ITGA10: variants seen among roughly 807,000 people sequenced by gnomAD.
ITGA10 encodes the protein integrin alpha-10.
Under a neutral mutation model 145.2 loss-of-function variants are expected in ITGA10, and 105 were observed. That is an observed-to-expected ratio of 0.72 (90% CI 0.62 to 0.85). The LOEUF (loss-of-function observed/expected upper bound fraction) is 0.85. Ranked by LOEUF, ITGA10 falls within the 40% of genes least tolerant of loss-of-function variation. The pLI, the probability that ITGA10 is intolerant of heterozygous loss-of-function variation, is 0.00. For missense variants in ITGA10, 1,317 were observed against 1,444.5 expected (o/e 0.91, Z 1.43); for synonymous variants, 506 against 557.8 (o/e 0.91, Z 1.31).
Position 145,901,466 on chromosome 1 carries a change from C to T in ITGA10, c.1443+50G>A. The T allele has an allele frequency of 6.5e-7, 1 of 1,527,618 alleles. No homozygotes were observed. Among genetic ancestry groups the T allele is most frequent in the Non-Finnish European group, 8.8e-7 (1 of 1,139,382 alleles). The allele number at this position is 1,527,618 out of a possible 1,614,324, so 94.6% of individuals were successfully genotyped here. Reference sequence around the variant, plus strand: ...CCACTTCACACTCCTCCCCAACAGCCCAGAGGTCCCTGGGAATCCAAAGGT... The same window carrying T: ...CCACTTCACACTCCTCCCCAACAGCTCAGAGGTCCCTGGGAATCCAAAGGT... On this transcript the variant is annotated intron_variant, in intron 12 of 29. Coordinates refer to ENST00000369304, the MANE Select transcript of ITGA10 (RefSeq NM_003637.5). The surrounding 1 kb of genome is among the most constrained non-coding windows in gnomAD (Gnocchi z 4.3).
chr1:145,909,531 A>G (rs56773757), intron 1 of ITGA10, among the ~76,000 whole-genome samples: 2 of 127,744 alleles, frequency 1.6e-5, no homozygotes, highest in South Asian at 4.3e-4. Flanking sequence ...TATTATATAT[A>G]ATATATAATT....
Position 145,906,485 on chromosome 1 carries a change from A to G in ITGA10, c.390T>C (p.Arg130=), listed in dbSNP as rs145573059. Reference sequence around the variant, plus strand: ...AACTGAAGACAGAGCTGCCACAAGCACGAGACCAGAGAGGGGCACAGGCCT... The same window carrying G: ...AACTGAAGACAGAGCTGCCACAAGCGCGAGACCAGAGAGGGGCACAGGCCT... ...GFMACAPLWS[R]ACGSSVFSSG... is the part of the protein sequence containing the mutation. Residue 130 remains arginine (R), a synonymous_variant, in exon 5 of 30, where the codon CGT becomes CGC. Coordinates refer to ENST00000369304, the MANE Select transcript of ITGA10 (RefSeq NM_003637.5). The G allele has an allele frequency of 3.0e-5, 48 of 1,614,150 alleles. No individual in the cohort carries two copies. In the East Asian group the frequency reaches 1.1e-3, roughly 36 times the overall value.
chr1:145,898,067 A>C, intron 18 of ITGA10, 43 bp downstream of exon 18: 2 of 1,433,406 alleles, frequency 1.4e-6, no homozygotes, highest in Non-Finnish European at 2.0e-6. Flanking sequence ...CTCTTGAAGG[A>C]GGGCAGTGTT....
At chr1:145,893,412 C>G (rs1382900400) in intron 28 of ITGA10, 128 bp downstream of exon 28, 2 of 932,358 alleles carry the variant, frequency 2.1e-6, no homozygotes, top group Middle Eastern at 2.2e-4. Flanking sequence ...GCAGGAATGG[C>G]GGCAGTGGAA....
chr1:145,906,888 G>A, intron 3 of ITGA10, 64 bp from the exon 4 acceptor site: 2 of 1,302,922 alleles, frequency 1.5e-6, no homozygotes, highest in African/African-American at 1.5e-5. Context: ...TTGAATTCAT[G>A]TGATTTTGGA....
chr1:145,896,420 G>A (rs1314824227), intron 23 of ITGA10, 68 bp from the exon 24 acceptor site: 8 of 1,184,942 alleles, frequency 6.8e-6, no homozygotes, highest in Non-Finnish European at 5.1e-6. Context: ...CACATGATCA[G>A]CACACAGACG....
Position 145,898,241 on chromosome 1 carries a change from C to A in ITGA10, c.2233-18G>T. On this transcript the variant is annotated intron_variant, in intron 17 of 29. Coordinates refer to ENST00000369304, the MANE Select transcript of ITGA10 (RefSeq NM_003637.5). ...GATGTATCCTGAAGGAAAACAGAGT[C>A]ACAGAGTCACAGAGTCAAGGATCTT... is the stretch of plus-strand genomic sequence containing the variant. 1.4e-6 allele frequency: 2 copies of A among 1,430,396 alleles called. No homozygotes were observed. The highest frequency in any genetic ancestry group is 2.3e-5 in the South Asian group (2 of 87,202). The allele number at this position is 1,430,396 out of a possible 1,614,324, so 88.6% of individuals were successfully genotyped here.
Position 145,901,951 on chromosome 1 carries a change from T to C in ITGA10, c.1220A>G (p.His407Arg). Residue 407 changes from histidine (H) to arginine (R), a missense_variant, in exon 11 of 30, where the codon CAC (histidine) becomes CGC (arginine). By Grantham distance (29) the His-to-Arg change is conservative. Transcript: ENST00000369304. The surrounding 1 kb of genome is among the most constrained non-coding windows in gnomAD (Gnocchi z 4.3). The stretch of plus-strand genomic sequence containing the variant: ...TGCCATTCGTGGGGGGAAAAGGCGG[T>C]GGCCTCCTTCAAGCCATAGCACAGA... ...GGSVLWLEGG[H>R]RLFPPRMALE... 1 of 1,614,024 alleles carries C rather than the reference T, an allele frequency of 6.2e-7. No homozygotes were observed. Among genetic ancestry groups the C allele is most frequent in the Non-Finnish European group, 8.5e-7 (1 of 1,180,002 alleles).
intron 29 of ITGA10, 147 bp from the exon 30 acceptor site, chr1:145,893,010 C>T (rs782010831): frequency 2.2e-4 from 208 of 924,928 alleles, no homozygotes; most frequent in Non-Finnish European, 3.1e-4. Context: ...ATAATTTAAC[C>T]AACATTTGTG....
rs782702226 is a variant in ITGA10, at chr1:145,901,012, T to C, written c.1588-19A>G. The C allele has an allele frequency of 3.7e-6, 6 of 1,613,788 alleles. No individual in the cohort carries two copies. In the South Asian group the frequency reaches 4.4e-5, roughly 12 times the overall value. On this transcript the variant is annotated intron_variant, in intron 13 of 29. Transcript: ENST00000369304. The surrounding 1 kb of genome is among the most constrained non-coding windows in gnomAD (Gnocchi z 4.3). ...AGGACTGCTGGTGGAGGAGAGAAGATAGAAGATGCTAATCTGGCAGACCCA... is the reference window on the plus strand; with the variant it reads ...AGGACTGCTGGTGGAGGAGAGAAGACAGAAGATGCTAATCTGGCAGACCCA...
chr1:145,900,229 C>T (rs587774552), intron 14 of ITGA10, 42 bp from the exon 15 acceptor site: 4 of 1,557,020 alleles, frequency 2.6e-6, no homozygotes, highest in African/African-American at 2.7e-5. Context: ...GACCCATACA[C>T]CTAGTTTCTC....
Position 145,898,168 on chromosome 1 carries a change from T to C in ITGA10, c.2288A>G (p.Asn763Ser), listed in dbSNP as rs1655712340. 6.2e-7 allele frequency: 1 copy of C among 1,613,950 alleles called. No individual in the cohort carries two copies. Among genetic ancestry groups the C allele is most frequent in the Non-Finnish European group, 8.5e-7 (1 of 1,180,010 alleles). The part of the protein sequence containing the change: ...VALTVTFALD[N>S]TTKPGPVLNE... ...CAGCACAGGCCCTGGCTTTGTAGTA[T>C]TGTCCAAGGCAAAGGTCACAGTCAA... is the stretch of plus-strand genomic sequence containing the variant. The change falls in exon 18 of 30, where the codon AAT (asparagine) becomes AGT (serine). Residue 763 changes from asparagine to serine, a missense_variant. Transcript: ENST00000369304.
chr1:145,893,090 C>G (rs971124735), intron 29 of ITGA10, 71 bp downstream of exon 29: 16 of 1,215,658 alleles, frequency 1.3e-5, no homozygotes, highest in Admixed American at 3.4e-5. Context: ...ATCCTGTTCT[C>G]TCTGCTATAA....
In ITGA10 at chr1:145,892,150, C is replaced by A. The variant is rs1654817510; in HGVS notation, c.*648G>T. 1 of 152,766 alleles carries A rather than the reference C, an allele frequency of 6.5e-6. No individual in the cohort carries two copies. The highest frequency in any genetic ancestry group is 1.5e-5 in the Non-Finnish European group (1 of 68,156). The allele number at this position is 152,766 out of a possible 1,614,324, so 9.5% of individuals were successfully genotyped here. On this transcript the variant is annotated 3_prime_UTR_variant, in exon 30 of 30. Transcript: ENST00000369304. ...ACCAACACCTGAGGGCGGTCGAGTG[C>A]ACTACAGGTCTCAGGTTTCAGGGGG...
chr1:145,891,958 T>C lies in ITGA10; in HGVS notation c.*840A>G, dbSNP rs1220105376. ...GAGTGAGTATAAGACTTGAGAGAAGTAGAGAAAATACTGCCTAGGTACACC... is the reference window on the plus strand; with the variant it reads ...GAGTGAGTATAAGACTTGAGAGAAGCAGAGAAAATACTGCCTAGGTACACC... On this transcript the variant is annotated 3_prime_UTR_variant, in exon 30 of 30. Coordinates refer to ENST00000369304, the MANE Select transcript of ITGA10 (RefSeq NM_003637.5). 6.6e-6 allele frequency: 1 copy of C among 152,200 alleles called. No homozygotes were observed. The highest frequency in any genetic ancestry group is 1.5e-5 in the Non-Finnish European group (1 of 68,032). 9.4% of individuals were successfully genotyped at this position (152,200 alleles called of 1,614,324 possible).
At position 145,895,413 on chromosome 1, in the gene ITGA10, G is replaced by A; in HGVS notation, c.3115-20C>T. On this transcript the variant is annotated intron_variant, in intron 26 of 29. Transcript: ENST00000369304. ...CCCATTCTAACAGAAGAGACAGAGA[G>A]AGACAGATCAGGACTCTGGGGTAGA... The A allele has an allele frequency of 6.4e-7, 1 of 1,564,874 alleles. No individual in the cohort carries two copies.
chr1:145,904,976 C>T (rs977948046), intron 5 of ITGA10, among the ~76,000 whole-genome samples, 165 bp from the exon 6 acceptor site: 13 of 151,850 alleles, frequency 8.6e-5, no homozygotes, highest in African/African-American at 2.7e-4. Context: ...ATAAAATATT[C>T]CTTTAGTAAT....
intron 28 of ITGA10, 127 bp downstream of exon 28, chr1:145,893,413 G>A (rs1004043912): frequency 1.8e-5 from 17 of 933,308 alleles, no homozygotes; most frequent in African/African-American, 4.9e-5. Flanking sequence ...CAGGAATGGC[G>A]GCAGTGGAAC....
rs1553749370 is a variant in ITGA10 at position 145,902,613 on chromosome 1, C to A, written c.916G>T (p.Gly306Cys). 6.2e-7 allele frequency: 1 copy of A among 1,602,328 alleles called. No individual in the cohort carries two copies. The highest frequency in any genetic ancestry group is 2.2e-5 in the East Asian group (1 of 44,872). ...TCTCGCTGCCGCCGGAGGTAGTGACCAAGGACCTAAGAGGTCATAAGATCA... is the reference window on the plus strand; with the variant it reads ...TCTCGCTGCCGCCGGAGGTAGTGACAAAGGACCTAAGAGGTCATAAGATCA... ...RVTRYGIAVLGHYLRRQRDPS... is the reference protein window; with the variant it reads ...RVTRYGIAVLCHYLRRQRDPS... Residue 306 changes from glycine (G) to cysteine (C), a missense_variant, in exon 9 of 30, where the codon GGT (glycine) becomes TGT (cysteine). By Grantham distance (159) the Gly-to-Cys change is radical (BLOSUM62 -3). Coordinates refer to ENST00000369304, the MANE Select transcript of ITGA10 (RefSeq NM_003637.5).
Sources: allele counts gnomAD v4.1 joint callset (sites outside exome capture counted in the v4.1 genomes callset), GRCh38; gene constraint gnomAD v4.1.1; non-coding constraint Gnocchi (gnomAD v3.1); transcripts MANE v1.5; gene names NCBI Gene and HGNC (gene_info 2026-07-23, HGNC 2026-07-21).